COBL: variants seen among roughly 807,000 people sequenced by gnomAD.
The protein encoded by COBL is cordon-bleu WH2 repeat protein.
Under a neutral mutation model 98.8 loss-of-function variants are expected in COBL, and 51 were observed. The ratio of observed to expected loss-of-function variants is 0.52; its 90% CI spans 0.41 to 0.65. COBL has a LOEUF of 0.65. COBL is among the 30% of genes least tolerant of loss of function. The pLI, the probability that COBL is intolerant of heterozygous loss-of-function variation, is 0.00. For missense variants in COBL, 1,617 were observed against 1,617.5 expected, an observed-to-expected ratio of 1.00 and a Z score of 0.01; for synonymous variants, 634 against 651.7, an observed-to-expected ratio of 0.97 and a Z score of 0.41.
intron 1 of COBL, among the ~76,000 whole-genome samples, chr7:51,312,027 T>C (rs1803100476): frequency 6.6e-6 from 1 of 151,706 alleles, no homozygotes; most frequent in Non-Finnish European, 1.5e-5. Context: ...CACCATATAA[T>C]AAATACAGGA....
At chr7:51,184,311 T>A in intron 4 of COBL, 112 bp from the exon 5 acceptor site, 1 of 605,608 alleles carries the variant, frequency 1.7e-6, no homozygotes, top group Non-Finnish European at 2.8e-6. Context: ...TTAGTTCTTG[T>A]AAGAGAGGGA....
At chr7:51,168,384 C>T (rs955904155) in intron 5 of COBL, among the ~76,000 whole-genome samples, 4 of 150,778 alleles carry the variant, frequency 2.7e-5, no homozygotes, top group African/African-American at 7.3e-5. Flanking sequence ...TGCAGTGAGC[C>T]GAGATCGCAC....
At position 51,062,616 on chromosome 7, in the gene COBL, T is replaced by C. The variant is rs143302193; in HGVS notation, c.1097-18924A>G. ...CATTCCCAGACAACATCATGGCTTATTTACTTGTGTGTTTCATCATTGCAT... is the reference window on the plus strand; with the variant it reads ...CATTCCCAGACAACATCATGGCTTACTTACTTGTGTGTTTCATCATTGCAT... On this transcript the variant is annotated intron_variant, in intron 7 of 12. Transcript: ENST00000265136. 2.0e-5 allele frequency among the ~76,000 whole-genome samples: 3 copies of C among 152,310 alleles called. No individual in the cohort carries two copies. The East Asian group carries it at 5.8e-4, about 29-fold the overall frequency.
At chr7:51,124,924 G>A (rs1156334667) in intron 6 of COBL, among the ~76,000 whole-genome samples, 1 of 152,222 alleles carries the variant, frequency 6.6e-6, no homozygotes, top group African/African-American at 2.4e-5. Context: ...TGATTCTCGT[G>A]TCTCAGCTTC....
At chr7:51,110,283 C>G (rs1796707564) in intron 6 of COBL, among the ~76,000 whole-genome samples, 1 of 152,204 alleles carries the variant, frequency 6.6e-6, no homozygotes, top group Non-Finnish European at 1.5e-5. Flanking sequence ...TGCGCAGCCT[C>G]TGGTAACCAC....
chr7:51,039,823 T>G (rs1467691829), intron 8 of COBL, among the ~76,000 whole-genome samples: 1 of 152,200 alleles, frequency 6.6e-6, no homozygotes, highest in Non-Finnish European at 1.5e-5. Context: ...CTGAATTGGT[T>G]GCCAACATTT....
At chr7:51,263,405 T>C (rs149734327) in intron 1 of COBL, among the ~76,000 whole-genome samples, 1,654 of 152,290 alleles carry the variant, frequency 0.011, 24 homozygotes, top group African/African-American at 0.037. Context: ...AAACTGCTTT[T>C]GGCAGCAATA....
chr7:51,033,533 CTG>C (rs2128877337), intron 8 of COBL: 1 of 152,364 alleles, frequency 6.6e-6, no homozygotes, highest in South Asian at 2.1e-4. Context: ...TATAGAAACA[CTG>C]TGATGATTTA....
At chr7:51,103,328 C>A (rs189530085) in intron 6 of COBL, among the ~76,000 whole-genome samples, 11 of 152,256 alleles carry the variant, frequency 7.2e-5, no homozygotes, top group African/African-American at 2.2e-4. Context: ...TTGTTCACAT[C>A]AATTTTTTTT....
At chr7:51,113,672 T>C (rs1797030292) in intron 6 of COBL, among the ~76,000 whole-genome samples, 1 of 152,258 alleles carries the variant, frequency 6.6e-6, no homozygotes, top group African/African-American at 2.4e-5. Flanking sequence ...ATGAGTGCTT[T>C]TTAAAGAAAT....
At chr7:51,033,965 C>A (rs1187244914) in intron 8 of COBL, 1 of 152,436 alleles carries the variant, frequency 6.6e-6, no homozygotes, top group Non-Finnish European at 1.5e-5. Flanking sequence ...AGGAGCCCAG[C>A]TCCAGGCGCT....
At chr7:51,218,767 G>A (rs1428091713) in intron 2 of COBL, among the ~76,000 whole-genome samples, 1 of 152,156 alleles carries the variant, frequency 6.6e-6, no homozygotes, top group African/African-American at 2.4e-5. Flanking sequence ...ACCGTGCCCA[G>A]CCCATTTTAT....
At chr7:51,059,470 A>T (rs1791102215) in intron 7 of COBL, among the ~76,000 whole-genome samples, 1 of 152,208 alleles carries the variant, frequency 6.6e-6, no homozygotes, top group Admixed American at 6.5e-5. Flanking sequence ...CTGGAAATTA[A>T]AGAACAAATG....
intron 7 of COBL, among the ~76,000 whole-genome samples, chr7:51,045,766 C>T (rs10282056): frequency 0.037 from 5,674 of 152,110 alleles, 363 homozygotes; most frequent in African/African-American, 0.13. Flanking sequence ...GAATGCTTGT[C>T]GGGTGATACA....
intron 6 of COBL, among the ~76,000 whole-genome samples, chr7:51,089,052 C>T (rs1170703434): frequency 6.6e-6 from 1 of 152,168 alleles, no homozygotes. Flanking sequence ...GTTTCACATG[C>T]AGGCATTCAG....
chr7:51,016,559 G>A lies in COBL; in HGVS notation c.*992C>T, dbSNP rs565386438. ...ACTGGGCACCATGTGAGAAGACCAC[G>A]ATATCATACAAAGGGAGCCAATGAG... On this transcript the variant is annotated 3_prime_UTR_variant, in exon 13 of 13. Transcript: ENST00000265136. 3.9e-4 allele frequency: 69 copies of A among 179,156 alleles called. No homozygotes were observed. Among genetic ancestry groups the A allele is most frequent in the Non-Finnish European group, 5.9e-4 (51 of 86,420 alleles). 11.1% of individuals were successfully genotyped at this position (179,156 alleles called of 1,614,324 possible). A position where few individuals can be genotyped will look rare whatever the true frequency, so the allele number is the denominator to read the frequency against.
intron 2 of COBL, among the ~76,000 whole-genome samples, chr7:51,211,379 C>G (rs1792413535): frequency 6.6e-6 from 1 of 152,224 alleles, no homozygotes; most frequent in Admixed American, 6.5e-5. Context: ...CTCTGTGCCT[C>G]AGCTTTATTA....
chr7:51,095,761 G>A (rs1289047183), intron 6 of COBL, among the ~76,000 whole-genome samples: 2 of 152,102 alleles, frequency 1.3e-5, no homozygotes, highest in African/African-American at 4.8e-5. Context: ...AAATAAGATA[G>A]ACTTCAAGTC....
chr7:51,177,469 T>C (rs548956503), intron 5 of COBL, among the ~76,000 whole-genome samples: 2 of 152,226 alleles, frequency 1.3e-5, no homozygotes, highest in East Asian at 1.9e-4. Context: ...GTAAAATGCA[T>C]TTTTGGTTTT....
Sources: allele counts gnomAD v4.1 joint callset (sites outside exome capture counted in the v4.1 genomes callset), GRCh38; gene constraint gnomAD v4.1.1; transcripts MANE v1.5; gene names NCBI Gene and HGNC (gene_info 2026-07-23, HGNC 2026-07-21).